TTYH2: variants seen among roughly 807,000 people sequenced by gnomAD.
TTYH2 encodes the protein tweety family member 2.
A neutral mutation model predicts 68.3 loss-of-function variants in TTYH2; 49 were observed. That is an observed-to-expected ratio of 0.72 (90% confidence interval 0.57 to 0.91). TTYH2 has a LOEUF of 0.91. Ranked by LOEUF, TTYH2 falls within the 40% of genes least tolerant of loss-of-function variation. TTYH2 has a pLI of 0.00. For missense variants in TTYH2, 631 were observed against 700.4 expected, an observed-to-expected ratio of 0.90 and a Z score of 1.12; for synonymous variants, 272 against 300.8, an observed-to-expected ratio of 0.90 and a Z score of 0.99.
chr17:74,228,632 A>C (rs548354504), intron 2 of TTYH2, among the ~76,000 whole-genome samples: 28 of 152,156 alleles, frequency 1.8e-4, no homozygotes, highest in African/African-American at 6.7e-4. Context: ...AGGAAGGAGG[A>C]GAGACTGGGC....
chr17:74,255,149 T>C (rs1431686997), intron 13 of TTYH2, among the ~76,000 whole-genome samples: 2 of 152,348 alleles, frequency 1.3e-5, no homozygotes, highest in South Asian at 2.1e-4. Flanking sequence ...CCGCCAAGGT[T>C]CAGGGACACG....
Position 74,253,062 on chromosome 17 carries a change from C to T in TTYH2, c.1260-19C>T. Reference sequence around the variant, plus strand: ...TCCTTCACCCTTCACAGCCGGCCATCTTCTACCCATTGTTCTAGAAACAGA... The same window carrying T: ...TCCTTCACCCTTCACAGCCGGCCATTTTCTACCCATTGTTCTAGAAACAGA... On this transcript the variant is annotated intron_variant, in intron 11 of 13. Coordinates refer to ENST00000269346, the MANE Select transcript of TTYH2 (RefSeq NM_032646.6). 1 of 1,613,184 alleles carries T rather than the reference C, an allele frequency of 6.2e-7. No individual in the cohort carries two copies. Among genetic ancestry groups the T allele is most frequent in the Admixed American group, 1.7e-5 (1 of 59,792 alleles).
At chr17:74,258,560 C>G (rs1013924549) in intron 13 of TTYH2, among the ~76,000 whole-genome samples, 2 of 152,106 alleles carry the variant, frequency 1.3e-5, no homozygotes, top group Non-Finnish European at 2.9e-5. Flanking sequence ...AGCCACCGTG[C>G]CTGGCCGGAG....
At chr17:74,246,865 A>T (rs1414714923) in intron 6 of TTYH2, among the ~76,000 whole-genome samples, 2 of 152,118 alleles carry the variant, frequency 1.3e-5, no homozygotes, top group Non-Finnish European at 2.9e-5. Flanking sequence ...GAGAGGACGT[A>T]TGCAGGGAAA....
intron 13 of TTYH2, among the ~76,000 whole-genome samples, chr17:74,259,721 C>G (rs2050728694): frequency 6.6e-6 from 1 of 152,102 alleles, no homozygotes; most frequent in Non-Finnish European, 1.5e-5. Flanking sequence ...GGTAGGGAAA[C>G]TGAGGCTAGA....
chr17:74,243,162 G>A (rs1219554023), intron 4 of TTYH2, among the ~76,000 whole-genome samples: 1 of 152,186 alleles, frequency 6.6e-6, no homozygotes, highest in East Asian at 1.9e-4. Context: ...GGTGAAGGCA[G>A]GGGGTGTGAA....
chr17:74,254,876 G>A (rs1039766025), intron 13 of TTYH2, among the ~76,000 whole-genome samples: 3 of 152,122 alleles, frequency 2.0e-5, no homozygotes, highest in Non-Finnish European at 4.4e-5. Context: ...TGTGGTGGCG[G>A]GTCTGGGAGG....
intron 4 of TTYH2, among the ~76,000 whole-genome samples, chr17:74,238,896 A>G (rs2050471411): frequency 1.3e-5 from 2 of 151,896 alleles, no homozygotes; most frequent in Admixed American, 6.6e-5. Flanking sequence ...TTTTTTTAGA[A>G]ATAGGGGTCT....
intron 2 of TTYH2, among the ~76,000 whole-genome samples, chr17:74,225,010 AAAC>A (rs2050315817): frequency 6.6e-6 from 1 of 151,932 alleles, no homozygotes; most frequent in African/African-American, 2.4e-5. Flanking sequence ...AAAAAAAAAA[AAAC>A]AACCAAAAAA....
At position 74,261,422 on chromosome 17, in the gene TTYH2, T is replaced by G. The variant is rs1179269709; in HGVS notation, c.*1213T>G. 1 of 152,384 alleles carries G rather than the reference T, an allele frequency of 6.6e-6. No homozygotes were observed. The highest frequency in any genetic ancestry group is 1.5e-5 in the Non-Finnish European group (1 of 68,108). 9.4% of individuals were successfully genotyped at this position (152,384 alleles called of 1,614,324 possible). ...AGGTTTTAGCAAAGTGCTACAACTG[T>G]GTCTTTATAGGAGGATAGGCCTCTG... On this transcript the variant is annotated 3_prime_UTR_variant, in exon 14 of 14. Coordinates refer to ENST00000269346, the MANE Select transcript of TTYH2 (RefSeq NM_032646.6).
chr17:74,235,895 CAAAAA>C (rs538914752), intron 3 of TTYH2, among the ~76,000 whole-genome samples: 1 of 55,094 alleles, frequency 1.8e-5, no homozygotes, highest in Non-Finnish European at 3.7e-5. Flanking sequence ...GACTCCATCT[CAAAAA>C]AAAAAAAAAA....
intron 10 of TTYH2, 83 bp from the exon 11 acceptor site, chr17:74,252,151 G>T: frequency 6.4e-7 from 1 of 1,569,238 alleles, no homozygotes; most frequent in Non-Finnish European, 8.6e-7. Context: ...AGGCTCGGGG[G>T]AGAGGGACTT....
In TTYH2 at chr17:74,259,848, C is replaced by T. The variant is rs61440183; in HGVS notation, c.1525-281C>T. ...GCCTGCTGGCTGCTGACTGCTCCTC[C>T]GTGCGCTGGTGGACCCTGACGCTGC... is the stretch of plus-strand genomic sequence containing the variant. On this transcript the variant is annotated intron_variant, in intron 13 of 13. Transcript: ENST00000269346. 1.0e-3 allele frequency among the ~76,000 whole-genome samples: 152 copies of T among 152,298 alleles called. 2 individuals are homozygous for T. Among genetic ancestry groups the T allele is most frequent in the African/African-American group, 3.4e-3 (142 of 41,572 alleles).
In TTYH2 at chr17:74,252,313, C is replaced by T; in HGVS notation, c.1196C>T (p.Ala399Val). The change falls in exon 11 of 14, where the codon GCC becomes GTC. Residue 399 changes from alanine to valine, a missense_variant. Transcript: ENST00000269346. ...LLYLGLFSFL[A>V]ALAFSTMICA... is the part of the protein sequence containing the mutation. ...TACCTTGGCCTCTTCTCCTTCCTGG[C>T]CGCCCTCGCCTTCTCCACCATGATC... 6.2e-7 allele frequency: 1 copy of T among 1,613,896 alleles called. No individual in the cohort carries two copies. The highest frequency in any genetic ancestry group is 1.1e-5 in the South Asian group (1 of 91,084).
rs200185724 is a variant in TTYH2, at chr17:74,241,294, T to TGTGTGTGTGTGTGC, written c.636-2077_636-2076insTGTGTGTGTGCGTG. ...GTGTGTGTGTGTGTGTGTGTGTGTGTGTGCGTGTAAAAATAAGAATGTGAT... is the reference window on the plus strand; with the variant it reads ...GTGTGTGTGTGTGTGTGTGTGTGTGTGTGTGTGTGTGTGCGTGCGTGTAAAAATAAGAATGTGAT... On this transcript the variant is annotated intron_variant, in intron 4 of 13. Transcript: ENST00000269346. This position sits in a 1 kb window ranked among gnomAD's most constrained non-coding sequence, Gnocchi z 4.1. Among the ~76,000 whole-genome samples the TGTGTGTGTGTGTGC allele has an allele frequency of 5.6e-4, 81 of 144,326 alleles. No individual in the cohort carries two copies. The highest frequency in any genetic ancestry group is 1.7e-3 in the African/African-American group (64 of 38,154). 94.7% of individuals were successfully genotyped at this position (144,326 alleles called of 152,430 possible).
intron 4 of TTYH2, 144 bp downstream of exon 4, chr17:74,237,658 G>T: frequency 2.9e-6 from 2 of 693,356 alleles, no homozygotes; most frequent in Non-Finnish European, 4.6e-6. Context: ...ACAGAGTCTT[G>T]CTCTGTTGCC....
Position 74,253,222 on chromosome 17 carries a change from G to C in TTYH2, c.1401G>C (p.Gln467His), listed in dbSNP as rs762217499. 24 of 1,612,008 alleles carry C rather than the reference G, an allele frequency of 1.5e-5. No individual in the cohort carries two copies. Among genetic ancestry groups the C allele is most frequent in the African/African-American group, 2.7e-5 (2 of 74,806 alleles). Residue 467 changes from glutamine to histidine, a missense_variant, in exon 12 of 14, where the codon CAG (glutamine) becomes CAC (histidine). Transcript: ENST00000269346. The stretch of plus-strand genomic sequence containing the variant: ...GCCTGGGAAGTCAGACCAGCCTGCA[G>C]CCCCCGGCCCAGACCATCTCCAACG... ...SSGLGSQTSL[Q>H]PPAQTISNAP... is the part of the protein sequence containing the mutation.
intron 2 of TTYH2, among the ~76,000 whole-genome samples, chr17:74,223,814 GCT>G (rs2050302957): frequency 6.6e-6 from 1 of 152,176 alleles, no homozygotes; most frequent in Admixed American, 6.5e-5. Flanking sequence ...GGATGCCTGG[GCT>G]CTCATACCCA....
chr17:74,240,863 C>T (rs1023193392), intron 4 of TTYH2: 1 of 152,140 alleles, frequency 6.6e-6, no homozygotes, highest in Non-Finnish European at 1.5e-5. Flanking sequence ...TTTCCAGGAA[C>T]CCCTGACAAC....
Sources: gnomAD v4.1 joint callset for allele counts (sites outside exome capture counted in the v4.1 genomes callset) on GRCh38, gnomAD v4.1.1 for gene constraint, Gnocchi (gnomAD v3.1) non-coding constraint, MANE v1.5 for transcripts, NCBI Gene and HGNC (gene_info 2026-07-23, HGNC 2026-07-21) for gene names.